The following BTBD9 variants were observed in gnomAD, a reference collection of about 807,000 sequenced individuals.
BTBD9 encodes the protein BTB domain containing 9.
BTBD9 carries 49 observed loss-of-function variants against 64.3 expected under a neutral mutation model. That is an observed-to-expected ratio of 0.76 (90% CI 0.61 to 0.97). The LOEUF (loss-of-function observed/expected upper bound fraction) is 0.97. BTBD9 is among the 50% of genes least tolerant of loss of function. BTBD9 has a pLI of 0.00. For missense variants in BTBD9, 598 were observed against 762.1 expected, an observed-to-expected ratio of 0.78 and a Z score of 2.53; for synonymous variants, 260 against 274.7, an observed-to-expected ratio of 0.95 and a Z score of 0.53.
chr6:38,320,607 G>C (rs188078517), intron 7 of BTBD9, among the ~76,000 whole-genome samples: 57 of 152,232 alleles, frequency 3.7e-4, no homozygotes, highest in African/African-American at 1.3e-3. Context: ...CAACGTCAAG[G>C]AAGCCATTTA....
chr6:38,545,814 G>A (rs1774517534), intron 6 of BTBD9, among the ~76,000 whole-genome samples: 1 of 141,290 alleles, frequency 7.1e-6, no homozygotes, highest in Non-Finnish European at 1.5e-5. Context: ...AATTTTATAT[G>A]TGACTAATGC....
chr6:38,633,955 T>C (rs1170703119), intron 1 of BTBD9, among the ~76,000 whole-genome samples: 1 of 152,210 alleles, frequency 6.6e-6, no homozygotes, highest in Admixed American at 6.5e-5. Context: ...ACCCTGACAA[T>C]ATGCATACAT....
chr6:38,394,571 T>C (rs1055138123), intron 6 of BTBD9, among the ~76,000 whole-genome samples: 1 of 152,196 alleles, frequency 6.6e-6, no homozygotes. Flanking sequence ...TGTTCTGTTA[T>C]TCATATCTTT....
chr6:38,273,942 A>T (rs1457634986), intron 8 of BTBD9, among the ~76,000 whole-genome samples: 1 of 152,220 alleles, frequency 6.6e-6, no homozygotes, highest in Non-Finnish European at 1.5e-5. Context: ...GAGACCAAAG[A>T]CACAAGTGAT....
chr6:38,455,803 G>C (rs1413282037), intron 6 of BTBD9, among the ~76,000 whole-genome samples: 1 of 152,116 alleles, frequency 6.6e-6, no homozygotes, highest in Non-Finnish European at 1.5e-5. Flanking sequence ...CCACCTCCTG[G>C]AGTAGCGGGG....
chr6:38,400,168 G>C (rs1207928703), intron 6 of BTBD9, among the ~76,000 whole-genome samples: 1 of 151,930 alleles, frequency 6.6e-6, no homozygotes, highest in Admixed American at 6.6e-5. Flanking sequence ...TCCTTCACCA[G>C]TTCCTTCTTC....
intron 7 of BTBD9, among the ~76,000 whole-genome samples, chr6:38,332,626 G>A (rs4140444): frequency 0.014 from 2,108 of 151,668 alleles, 22 homozygotes; most frequent in Middle Eastern, 0.034. Context: ...TAAGGGGATG[G>A]GGAGAAGGAA....
chr6:38,488,648 C>T (rs1029951535), intron 6 of BTBD9, among the ~76,000 whole-genome samples: 1 of 152,196 alleles, frequency 6.6e-6, no homozygotes, highest in South Asian at 2.1e-4. Context: ...AAACGTCAGA[C>T]GAAAACCAGC....
At chr6:38,202,076 G>GTTTTTTT (rs1263045337) in intron 9 of BTBD9, among the ~76,000 whole-genome samples, 4 of 135,122 alleles carry the variant, frequency 3.0e-5, no homozygotes, top group East Asian at 2.6e-4. Flanking sequence ...CAAAAATGTC[G>GTTTTTTT]TTTTTTTTGT....
chr6:38,560,273 T>C (rs1273943753), intron 6 of BTBD9, among the ~76,000 whole-genome samples: 2 of 152,046 alleles, frequency 1.3e-5, no homozygotes, highest in East Asian at 1.9e-4. Flanking sequence ...CAGACACTCC[T>C]CAAAAGACCT....
chr6:38,301,881 T>C (rs1762416733), intron 7 of BTBD9, among the ~76,000 whole-genome samples: 1 of 152,178 alleles, frequency 6.6e-6, no homozygotes, highest in Non-Finnish European at 1.5e-5. Context: ...CTGATCTTAG[T>C]TATTTCTTGC....
Position 38,469,830 on chromosome 6 carries a change from C to T in BTBD9, c.1154+107770G>A, listed in dbSNP as rs551770367. ...CTTTTGCCCTTTCAATAAACTCTCACACTCACTTTCATTTATTATATGCCA... is the reference window on the plus strand; with the variant it reads ...CTTTTGCCCTTTCAATAAACTCTCATACTCACTTTCATTTATTATATGCCA... On this transcript the variant is annotated intron_variant, in intron 6 of 10. Coordinates refer to ENST00000481247, the MANE Select transcript of BTBD9 (RefSeq NM_001099272.2). 2.6e-5 allele frequency among the ~76,000 whole-genome samples: 4 copies of T among 152,284 alleles called. No individual in the cohort carries two copies. In the East Asian group the frequency reaches 7.7e-4, roughly 29 times the overall value.
intron 1 of BTBD9, among the ~76,000 whole-genome samples, chr6:38,610,586 T>C (rs1357387087): frequency 1.3e-5 from 2 of 152,148 alleles, no homozygotes; most frequent in Non-Finnish European, 2.9e-5. Context: ...TACAATGTCT[T>C]CATAGGAACA....
intron 9 of BTBD9, among the ~76,000 whole-genome samples, chr6:38,237,104 C>T (rs554362418): frequency 1.9e-4 from 29 of 152,340 alleles, no homozygotes; most frequent in Middle Eastern, 6.8e-3. Flanking sequence ...AAATTGCACA[C>T]TTGTCTGTGA....
intron 8 of BTBD9, among the ~76,000 whole-genome samples, chr6:38,258,661 C>T (rs759406973): frequency 2.0e-5 from 3 of 152,132 alleles, no homozygotes; most frequent in East Asian, 3.9e-4. Flanking sequence ...GAGGCCAAGG[C>T]GGGTGGATCA....
intron 6 of BTBD9, among the ~76,000 whole-genome samples, chr6:38,486,379 A>G (rs1188205473): frequency 1.3e-5 from 2 of 152,250 alleles, no homozygotes; most frequent in South Asian, 2.1e-4. Flanking sequence ...CTTTCAGCCT[A>G]TCTCAGCTTT....
At chr6:38,351,432 GGGATGAGATA>G (rs1764502551) in intron 6 of BTBD9, among the ~76,000 whole-genome samples, 1 of 151,682 alleles carries the variant, frequency 6.6e-6, no homozygotes, top group African/African-American at 2.4e-5. Context: ...TTATATGGAA[GGGATGAGATA>G]GGTAGAAATA....
chr6:38,634,344 T>C (rs1251257257), intron 1 of BTBD9, among the ~76,000 whole-genome samples: 1 of 152,210 alleles, frequency 6.6e-6, no homozygotes, highest in African/African-American at 2.4e-5. Context: ...AAGCAAAGAA[T>C]ATGTCCTTAG....
At chr6:38,402,779 C>A in intron 6 of BTBD9, 1 of 699,098 alleles carries the variant, frequency 1.4e-6, no homozygotes, top group South Asian at 1.5e-5. Context: ...GCAATGAAAC[C>A]TAAATCAGCA....
Sources: gnomAD v4.1 joint callset for allele counts (sites outside exome capture counted in the v4.1 genomes callset) on GRCh38, gnomAD v4.1.1 for gene constraint, MANE v1.5 for transcripts, NCBI Gene and HGNC (gene_info 2026-07-23, HGNC 2026-07-21) for gene names.